Variants in RFTN1 observed in about 807,000 individuals in gnomAD.
RFTN1 encodes raftlin.
Under a neutral mutation model 46.5 loss-of-function variants are expected in RFTN1, and 26 were observed. The observed-to-expected ratio is 0.56, with a 90% CI of 0.41 to 0.78. The LOEUF is 0.78. RFTN1 is among the 30% of genes least tolerant of loss of function. The pLI is 0.00. For missense variants in RFTN1, 693 were observed against 718.7 expected (o/e 0.96, Z 0.41); for synonymous variants, 261 against 284.2 (o/e 0.92, Z 0.82).
rs2076106044 is a variant in RFTN1, at chr3:16,466,989, G to A, written c.145+26736C>T. 6.6e-6 allele frequency among the ~76,000 whole-genome samples: 1 copy of A among 152,246 alleles called. No individual in the cohort carries two copies. The highest frequency in any genetic ancestry group is 1.5e-5 in the Non-Finnish European group (1 of 68,048). On this transcript the variant is annotated intron_variant, in intron 2 of 9. Coordinates refer to ENST00000334133, the MANE Select transcript of RFTN1 (RefSeq NM_015150.2). The surrounding 1 kb of genome is among the most constrained non-coding windows in gnomAD (Gnocchi z 5.6). ...ATGCAAAGGCCAGATGTGGGAGAAA[G>A]AGACTGGCAGGCCTAAGGTCAATTC... is the stretch of plus-strand genomic sequence containing the variant.
intron 2 of RFTN1, chr3:16,454,718 C>T (rs1309527116): frequency 3.1e-6 from 3 of 975,746 alleles, no homozygotes; most frequent in East Asian, 1.1e-4. Context: ...CTAGAAGAGA[C>T]TTCTTCAACC....
At chr3:16,412,263 A>G (rs532188465) in intron 3 of RFTN1, among the ~76,000 whole-genome samples, 1 of 152,328 alleles carries the variant, frequency 6.6e-6, no homozygotes, top group South Asian at 2.1e-4. Context: ...TCAATTTGAA[A>G]TGAAAGGATT....
At position 16,387,717 on chromosome 3, in the gene RFTN1, C is replaced by T. The variant is rs774131538; in HGVS notation, c.442-9615G>A. Among the ~76,000 whole-genome samples, 1 of 152,020 alleles carries T rather than the reference C, an allele frequency of 6.6e-6. No individual in the cohort carries two copies. The highest frequency in any genetic ancestry group is 2.4e-5 in the African/African-American group (1 of 41,374). On this transcript the variant is annotated intron_variant, in intron 4 of 9. Coordinates refer to ENST00000334133, the MANE Select transcript of RFTN1 (RefSeq NM_015150.2). This position sits in a 1 kb window ranked among gnomAD's most constrained non-coding sequence, Gnocchi z 5.2. Reference sequence around the variant, plus strand: ...ACAATAGAAGTAAGCAAGCCTCGTCCACCCACCCGCCTCACCGACTCCACC... The same window carrying T: ...ACAATAGAAGTAAGCAAGCCTCGTCTACCCACCCGCCTCACCGACTCCACC...
At position 16,376,801 on chromosome 3, in the gene RFTN1, G is replaced by A. The variant is rs765668636; in HGVS notation, c.826+917C>T. On this transcript the variant is annotated intron_variant, in intron 5 of 9. Coordinates refer to ENST00000334133, the MANE Select transcript of RFTN1 (RefSeq NM_015150.2). This position sits in a 1 kb window ranked among gnomAD's most constrained non-coding sequence, Gnocchi z 4.7. ...AATTTTCCTCTCAAGAAGTTCTGAT[G>A]TAACAAAAGAAACTGTTTCTCCTTG... 2.0e-5 allele frequency among the ~76,000 whole-genome samples: 3 copies of A among 152,192 alleles called. No individual in the cohort carries two copies. The highest frequency in any genetic ancestry group is 2.9e-5 in the Non-Finnish European group (2 of 68,022).
intron 4 of RFTN1, among the ~76,000 whole-genome samples, chr3:16,386,317 T>C (rs1312079549): frequency 6.6e-6 from 1 of 152,226 alleles, no homozygotes; most frequent in Non-Finnish European, 1.5e-5. Flanking sequence ...GTAATCACAA[T>C]TTACTGAGAG....
intron 6 of RFTN1, among the ~76,000 whole-genome samples, chr3:16,359,049 A>AAAAG (rs1342334774): frequency 6.8e-6 from 1 of 147,068 alleles, no homozygotes; most frequent in Admixed American, 6.8e-5. Flanking sequence ...AAAAAAAAAA[A>AAAAG]AAAGAAATAC....
At chr3:16,435,438 T>C (rs1314374550) in intron 2 of RFTN1, among the ~76,000 whole-genome samples, 1 of 152,072 alleles carries the variant, frequency 6.6e-6, no homozygotes, top group Non-Finnish European at 1.5e-5. Flanking sequence ...GGTGTGGTGG[T>C]GCATGCCTGT....
intron 7 of RFTN1, among the ~76,000 whole-genome samples, chr3:16,331,680 C>G (rs555284239): frequency 3.3e-5 from 5 of 152,226 alleles, no homozygotes; most frequent in African/African-American, 1.2e-4. Flanking sequence ...GACATCATTT[C>G]TGAAACTTTG....
intron 6 of RFTN1, among the ~76,000 whole-genome samples, chr3:16,362,557 C>T (rs2072900570): frequency 6.6e-6 from 1 of 152,148 alleles, no homozygotes; most frequent in Admixed American, 6.5e-5. Context: ...GAGTAAAGCC[C>T]TCCCAAATCC....
Position 16,452,677 on chromosome 3 carries a change from G to A in RFTN1, c.146-18640C>T, listed in dbSNP as rs1243990835. On this transcript the variant is annotated intron_variant, in intron 2 of 9. Coordinates refer to ENST00000334133, the MANE Select transcript of RFTN1 (RefSeq NM_015150.2). The surrounding 1 kb of genome is among the most constrained non-coding windows in gnomAD (Gnocchi z 6.3). ...ACCAATTATGGTCTCAACTGTGACA[G>A]TGAAGGAGTGGTCAGTGTTGCCAGG... 6.6e-6 allele frequency among the ~76,000 whole-genome samples: 1 copy of A among 152,214 alleles called. No individual in the cohort carries two copies. The highest frequency in any genetic ancestry group is 1.9e-4 in the East Asian group (1 of 5,206).
At chr3:16,397,082 AAAAAGAG>A (rs939843210) in intron 4 of RFTN1, among the ~76,000 whole-genome samples, 7 of 151,838 alleles carry the variant, frequency 4.6e-5, no homozygotes, top group African/African-American at 1.5e-4. Context: ...AAAAAAAAAA[AAAAAGAG>A]AGAGAGAAGA....
chr3:16,356,187 C>G lies in RFTN1; in HGVS notation c.1146+1745G>C, dbSNP rs2072424104. ...ACAGGGTCCTGAGAGGTGACAGGACCTGCCCACACTCGCTTGGCATCTTGG... is the reference window on the plus strand; with the variant it reads ...ACAGGGTCCTGAGAGGTGACAGGACGTGCCCACACTCGCTTGGCATCTTGG... On this transcript the variant is annotated intron_variant, in intron 7 of 9. Coordinates refer to ENST00000334133, the MANE Select transcript of RFTN1 (RefSeq NM_015150.2). The surrounding 1 kb of genome is among the most constrained non-coding windows in gnomAD (Gnocchi z 4.9). 6.6e-6 allele frequency among the ~76,000 whole-genome samples: 1 copy of G among 152,234 alleles called. No homozygotes were observed. Among genetic ancestry groups the G allele is most frequent in the African/African-American group, 2.4e-5 (1 of 41,456 alleles).
rs746816952 is a variant in RFTN1, at chr3:16,434,056, A to G, written c.146-19T>C. On this transcript the variant is annotated intron_variant, in intron 2 of 9. Coordinates refer to ENST00000334133, the MANE Select transcript of RFTN1 (RefSeq NM_015150.2). Reference sequence around the variant, plus strand: ...AGCTCCGCTGGAGTGGAGAGAGGAGAGGCTCATCAAAGACCCATCACAACG... The same window carrying G: ...AGCTCCGCTGGAGTGGAGAGAGGAGGGGCTCATCAAAGACCCATCACAACG... 2.8e-5 allele frequency: 44 copies of G among 1,555,988 alleles called. No homozygotes were observed. The highest frequency in any genetic ancestry group is 3.4e-5 in the Non-Finnish European group (39 of 1,157,510).
At chr3:16,455,929 A>G (rs1202563282) in intron 2 of RFTN1, among the ~76,000 whole-genome samples, 1 of 152,174 alleles carries the variant, frequency 6.6e-6, no homozygotes, top group Non-Finnish European at 1.5e-5. Context: ...GAAGATTCTA[A>G]ACTAATCAAT....
At position 16,329,134 on chromosome 3, in the gene RFTN1, A is replaced by G. The variant is rs187464914; in HGVS notation, c.1147-2258T>C. Among the ~76,000 whole-genome samples the G allele has an allele frequency of 6.4e-3, 976 of 152,316 alleles. 36 individuals carry two copies. Among genetic ancestry groups the G allele is most frequent in the Admixed American group, 0.051 (783 of 15,310 alleles). On this transcript the variant is annotated intron_variant, in intron 7 of 9. Transcript: ENST00000334133. The surrounding 1 kb of genome is among the most constrained non-coding windows in gnomAD (Gnocchi z 4.5). ...ACTCAGGCAAAGGGCTTGAGGCTACAAGTTCAGTCTCCTGCTCTCTCCCCT... is the reference window on the plus strand; with the variant it reads ...ACTCAGGCAAAGGGCTTGAGGCTACGAGTTCAGTCTCCTGCTCTCTCCCCT...
intron 3 of RFTN1, among the ~76,000 whole-genome samples, chr3:16,420,947 G>A (rs546119394): frequency 6.6e-6 from 1 of 152,260 alleles, no homozygotes; most frequent in African/African-American, 2.4e-5. Context: ...GCTGGTGCAT[G>A]GACCACACTT....
rs1481642401 is a variant in RFTN1 at position 16,457,969 on chromosome 3, A to G, written c.146-23932T>C. The stretch of plus-strand genomic sequence containing the variant: ...CTTCTGCCTTCCACCATGTGAGGAC[A>G]CAGCATTCCACCCCTCTGGAGGATG... On this transcript the variant is annotated intron_variant, in intron 2 of 9. Coordinates refer to ENST00000334133, the MANE Select transcript of RFTN1 (RefSeq NM_015150.2). This position sits in a 1 kb window ranked among gnomAD's most constrained non-coding sequence, Gnocchi z 4.2. Among the ~76,000 whole-genome samples, 1 of 152,174 alleles carries G rather than the reference A, an allele frequency of 6.6e-6. No homozygotes were observed. The highest frequency in any genetic ancestry group is 1.5e-5 in the Non-Finnish European group (1 of 68,018).
At chr3:16,403,524 A>C (rs2125427652) in intron 4 of RFTN1, among the ~76,000 whole-genome samples, 1 of 121,102 alleles carries the variant, frequency 8.3e-6, no homozygotes, top group South Asian at 2.6e-4. Context: ...ATACACAAAC[A>C]TGGGCCAGCA....
chr3:16,334,318 G>T lies in RFTN1; in HGVS notation c.1147-7442C>A, dbSNP rs545192374. ...GTTCTTGTACATTGCTAGTGGAAGGGCTCATTGATTCAACCCTCCTGGAGA... is the reference window on the plus strand; with the variant it reads ...GTTCTTGTACATTGCTAGTGGAAGGTCTCATTGATTCAACCCTCCTGGAGA... On this transcript the variant is annotated intron_variant, in intron 7 of 9. Transcript: ENST00000334133. This position sits in a 1 kb window ranked among gnomAD's most constrained non-coding sequence, Gnocchi z 4.3. Among the ~76,000 whole-genome samples the T allele has an allele frequency of 7.0e-4, 107 of 152,330 alleles. No homozygotes were observed. The highest frequency in any genetic ancestry group is 1.2e-3 in the South Asian group (6 of 4,826).
Sources: gnomAD v4.1 joint callset for allele counts (sites outside exome capture counted in the v4.1 genomes callset) on GRCh38, gnomAD v4.1.1 for gene constraint, Gnocchi (gnomAD v3.1) non-coding constraint, MANE v1.5 for transcripts, NCBI Gene and HGNC (gene_info 2026-07-23, HGNC 2026-07-21) for gene names.